The following ITIH6 variants were observed in gnomAD, a reference collection of about 807,000 sequenced individuals.
ITIH6 encodes the protein inter-alpha-trypsin inhibitor heavy chain H6.
In ITIH6, 60 loss-of-function variants were observed where a neutral mutation model predicts 58.2. The observed-to-expected ratio is 1.03, with a 90% CI of 0.84 to 1.28. The LOEUF is 1.28. Among genes scored for constraint, ITIH6 ranks in the 50% most tolerant of loss-of-function variants. The pLI, the probability that ITIH6 is intolerant of heterozygous loss-of-function variation, is 0.00. For missense variants in ITIH6, 1,290 were observed against 1,021.1 expected, an observed-to-expected ratio of 1.26 and a Z score of -3.59; for synonymous variants, 493 against 417.4, an observed-to-expected ratio of 1.18 and a Z score of -2.21.
intron 1 of ITIH6, among the ~76,000 whole-genome samples, chrX:54,797,476 C>T (rs1929464077): frequency 8.9e-6 from 1 of 112,346 alleles, no homozygotes; most frequent in South Asian, 3.7e-4. Flanking sequence ...GATGCTGCTG[C>T]TAGTCCACAG....
intron 8 of ITIH6, among the ~76,000 whole-genome samples, chrX:54,755,878 A>G (rs1012279518): frequency 1.8e-5 from 2 of 110,974 alleles, no homozygotes; most frequent in Non-Finnish European, 3.8e-5. Flanking sequence ...AGGGATTTTA[A>G]GTAGGGAAGG....
chrX:54,790,531 A>G (rs1288900892), intron 4 of ITIH6, among the ~76,000 whole-genome samples: 9 of 111,577 alleles, frequency 8.1e-5, no homozygotes, highest in African/African-American at 2.9e-4. Context: ...AACATGGTTA[A>G]CATATGATTT....
chrX:54,791,867 C>T, intron 3 of ITIH6, 59 bp downstream of exon 3: 1 of 655,351 alleles, frequency 1.5e-6, no homozygotes, highest in Non-Finnish European at 2.5e-6. Context: ...GAACGTGCAT[C>T]TCCCCTGATC....
chrX:54,754,334 TAC>T (rs1569543823), intron 9 of ITIH6, among the ~76,000 whole-genome samples: 1 of 112,029 alleles, frequency 8.9e-6, no homozygotes, highest in Non-Finnish European at 1.9e-5. Flanking sequence ...TCTCTTGGTG[TAC>T]ACACTCTGTA....
chrX:54,785,901 A>C (rs1929233976), intron 5 of ITIH6, among the ~76,000 whole-genome samples: 1 of 110,412 alleles, frequency 9.1e-6, no homozygotes, highest in Non-Finnish European at 1.9e-5. Flanking sequence ...GGCTCCACAC[A>C]TGCTCCCTGG....
intron 6 of ITIH6, among the ~76,000 whole-genome samples, chrX:54,764,480 A>G (rs1569544025): frequency 3.7e-5 from 4 of 107,015 alleles, no homozygotes; most frequent in South Asian, 4.3e-4. Flanking sequence ...TCATTGTTCA[A>G]TTCCCACCTA....
intron 5 of ITIH6, among the ~76,000 whole-genome samples, chrX:54,780,616 C>G (rs1929130558): frequency 9.0e-6 from 1 of 110,734 alleles, no homozygotes; most frequent in Non-Finnish European, 1.9e-5. Context: ...ACTAGAAAAG[C>G]AAGAGCAAAC....
intron 5 of ITIH6, among the ~76,000 whole-genome samples, chrX:54,776,027 G>A (rs926715678): frequency 9.9e-5 from 11 of 111,548 alleles, no homozygotes; most frequent in Admixed American, 9.5e-4. Flanking sequence ...GTGGTAGAAA[G>A]AACAGTCTTG....
At chrX:54,761,301 A>C (rs971801238) in intron 6 of ITIH6, among the ~76,000 whole-genome samples, 14 of 111,113 alleles carry the variant, frequency 1.3e-4, no homozygotes, top group Non-Finnish European at 2.3e-4. Flanking sequence ...TTTTTCTTGT[A>C]AATTTGTTTG....
chrX:54,759,594 A>G (rs971010469), intron 7 of ITIH6, among the ~76,000 whole-genome samples, 162 bp downstream of exon 7: 3 of 112,196 alleles, frequency 2.7e-5, no homozygotes, highest in African/African-American at 9.7e-5. Flanking sequence ...GGAAAGGGTG[A>G]TGGGAGAACA....
intron 5 of ITIH6, among the ~76,000 whole-genome samples, chrX:54,784,276 T>C (rs1288070896): frequency 8.9e-6 from 1 of 111,871 alleles, no homozygotes; most frequent in Non-Finnish European, 1.9e-5. Flanking sequence ...GGGCATTGGT[T>C]TGGGCAAAAA....
In ITIH6 at chrX:54,757,444, G is replaced by A. The variant is rs754633766; in HGVS notation, c.2630C>T (p.Pro877Leu). The change falls in exon 8 of 13, where the codon CCA becomes CTA. Residue 877 changes from proline (P) to leucine (L), a missense_variant. By Grantham distance (98) the Pro-to-Leu change is moderately conservative (BLOSUM62 -3). Coordinates refer to ENST00000218436, the MANE Select transcript of ITIH6 (RefSeq NM_198510.3). ...TSISLSKPET[P>L]NPHMPQTPLP... ...TGGGGTTTGAGGCATATGGGGGTTT[G>A]GGGTCTCAGGCTTGGAAAGTGATAT... The A allele has an allele frequency of 1.4e-5, 17 of 1,208,154 alleles. No individual in the cohort carries two copies. In the Admixed American group the frequency reaches 3.1e-4, roughly 22 times the overall value.
intron 4 of ITIH6, 139 bp downstream of exon 4, chrX:54,790,698 C>T: frequency 1.3e-6 from 1 of 794,842 alleles, no homozygotes; most frequent in East Asian, 3.2e-5. Flanking sequence ...CAAACATGCC[C>T]TCTTCTCACT....
In ITIH6 at chrX:54,759,750, A is replaced by T. The variant is rs767427775; in HGVS notation, c.1075+6T>A. ...GCCCATTTGGGTGGGTAGATCTAAC[A>T]CTTACAGCCATCGGCTTCCATGCAA... On this transcript the variant is annotated splice_donor_region_variant and intron_variant, in intron 7 of 12. Transcript: ENST00000218436. The T allele has an allele frequency of 8.3e-7, 1 of 1,201,823 alleles. No individual in the cohort carries two copies. Among genetic ancestry groups the T allele is most frequent in the East Asian group, 3.0e-5 (1 of 33,721 alleles).
At position 54,773,956 on chromosome X, in the gene ITIH6, C is replaced by T. The variant is rs768226558; in HGVS notation, c.903+125G>A. 187 of 376,772 alleles carry T rather than the reference C, an allele frequency of 5.0e-4. 2 individuals are homozygous for T. Among genetic ancestry groups the T allele is most frequent in the African/African-American group, 4.3e-3 (163 of 37,641 alleles). The allele number at this position is 376,772 out of a possible 1,213,427, so 31.1% of individuals were successfully genotyped here. A position where few individuals can be genotyped will look rare whatever the true frequency, so the allele number is the denominator to read the frequency against. On this transcript the variant is annotated intron_variant, in intron 6 of 12. Coordinates refer to ENST00000218436, the MANE Select transcript of ITIH6 (RefSeq NM_198510.3). ...ACCAGGACCCTAGGGTAGGCCCAAG[C>T]CTGTAAGACTCAAGGGTCATGGGAT...
chrX:54,757,902 T>A lies in ITIH6; in HGVS notation c.2172A>T (p.Lys724Asn). 1 of 1,210,760 alleles carries A rather than the reference T, an allele frequency of 8.3e-7. No homozygotes were observed. Residue 724 changes from lysine to asparagine, a missense_variant, in exon 8 of 13, where the codon AAA (lysine) becomes AAT (asparagine). Lys to Asn is a moderately conservative substitution (Grantham distance 94). Transcript: ENST00000218436. The stretch of plus-strand genomic sequence containing the variant: ...AATTTGAGGGCACAAGAATGGTAGG[T>A]TTTGTCCTGAGAGTTGGCTGGGCCA... ...GTLAQPTLRT[K>N]PTILVPSNSG...
At chrX:54,789,596 A>C (rs73212565) in intron 4 of ITIH6, among the ~76,000 whole-genome samples, 1 of 112,335 alleles carries the variant, frequency 8.9e-6, no homozygotes, top group Non-Finnish European at 1.9e-5. Flanking sequence ...CCCGGACTCA[A>C]ATGGCCTGTG....
chrX:54,776,053 G>A (rs758599780), intron 5 of ITIH6, among the ~76,000 whole-genome samples: 1 of 111,224 alleles, frequency 9.0e-6, no homozygotes, highest in African/African-American at 3.3e-5. Context: ...CCAACACCAC[G>A]CCTACCCCAC....
rs1224405278 is a variant in ITIH6 at position 54,758,931 on chromosome X, C to A, written c.1143G>T (p.Gly381=). The change falls in exon 8 of 13, where the codon GGG becomes GGT. Residue 381 remains glycine, a synonymous_variant. Coordinates refer to ENST00000218436, the MANE Select transcript of ITIH6 (RefSeq NM_198510.3). ...SVLNHSNQEP[G]RGPSVGRIPL... is the part of the protein sequence containing the mutation. ...GGATCCTCCCCACACTGGGGCCCCT[C>A]CCAGGCTCCTGGTTGCTATGGTTCA... 2 of 1,203,048 alleles carry A rather than the reference C, an allele frequency of 1.7e-6. No homozygotes were observed. Among genetic ancestry groups the A allele is most frequent in the East Asian group, 6.0e-5 (2 of 33,581 alleles).
Sources: gnomAD v4.1 joint callset for allele counts (sites outside exome capture counted in the v4.1 genomes callset) on GRCh38, gnomAD v4.1.1 for gene constraint, MANE v1.5 for transcripts, NCBI Gene and HGNC (gene_info 2026-07-23, HGNC 2026-07-21) for gene names.